Variants in TEK observed in about 807,000 individuals in gnomAD.
The protein encoded by TEK is TEK receptor tyrosine kinase, also known as angiopoietin-1 receptor.
A neutral mutation model predicts 131.8 loss-of-function variants in TEK; 43 were observed. The ratio of observed to expected loss-of-function variants is 0.33; its 90% CI spans 0.26 to 0.42. TEK has a LOEUF of 0.42. Among genes scored for constraint, TEK ranks in the 10% least tolerant of loss-of-function variants. The pLI, the probability that TEK is intolerant of heterozygous loss-of-function variation, is 1.00. For synonymous variants in TEK, 580 were observed against 491.6 expected (o/e 1.18, Z -2.38); for missense variants, 1,162 against 1,384.4 (o/e 0.84, Z 2.55).
chr9:27,201,338 G>A (rs1244442760), intron 12 of TEK, among the ~76,000 whole-genome samples: 1 of 152,086 alleles, frequency 6.6e-6, no homozygotes, highest in South Asian at 2.1e-4. Flanking sequence ...GCTGCTTTTT[G>A]TGACAGGCTT....
intron 1 of TEK, among the ~76,000 whole-genome samples, chr9:27,124,916 T>C (rs998384026): frequency 5.9e-5 from 9 of 152,174 alleles, no homozygotes; most frequent in African/African-American, 2.2e-4. Flanking sequence ...ACTTCGCAGA[T>C]TGGCCTAGTG....
chr9:27,137,864 C>T (rs921844982), intron 1 of TEK, among the ~76,000 whole-genome samples: 4 of 152,038 alleles, frequency 2.6e-5, no homozygotes, highest in Non-Finnish European at 5.9e-5. Flanking sequence ...TTATTCATTC[C>T]GGTGGGTTCT....
chr9:27,109,697 A>G, intron 1 of TEK, 55 bp downstream of exon 1: 1 of 1,577,296 alleles, frequency 6.3e-7, no homozygotes, highest in Non-Finnish European at 8.7e-7. Flanking sequence ...AGAGTTAGTG[A>G]TTTCTGGGTG....
At chr9:27,112,508 G>C (rs780032096) in intron 1 of TEK, among the ~76,000 whole-genome samples, 15 of 152,184 alleles carry the variant, frequency 9.9e-5, no homozygotes, top group African/African-American at 3.6e-4. Context: ...CCCTGGGAGA[G>C]CTTCCTGGAA....
At chr9:27,177,949 C>A (rs1255874710) in intron 6 of TEK, among the ~76,000 whole-genome samples, 2 of 152,040 alleles carry the variant, frequency 1.3e-5, no homozygotes, top group Non-Finnish European at 2.9e-5. Flanking sequence ...CTTTGCTGTG[C>A]AGAAGCTTGT....
chr9:27,180,226 GTC>G lies in TEK; in HGVS notation c.902-10_902-9del, dbSNP rs1407061671. The G allele has an allele frequency of 3.1e-6, 5 of 1,613,444 alleles. No homozygotes were observed. The highest frequency in any genetic ancestry group is 4.2e-6 in the Non-Finnish European group (5 of 1,179,672). The stretch of plus-strand genomic sequence containing the variant: ...CCTGGATTAATACTGGTTTTTTGAT[GTC>G]TCTGTTTACAGCATGCCACCCTGGT... On this transcript the variant is annotated splice_polypyrimidine_tract_variant and intron_variant, in intron 6 of 22. Transcript: ENST00000380036.
chr9:27,135,391 G>T (rs111494861), intron 1 of TEK, among the ~76,000 whole-genome samples: 2 of 151,994 alleles, frequency 1.3e-5, no homozygotes, highest in Non-Finnish European at 2.9e-5. Context: ...GCCACCTTAG[G>T]AGGGTCTAGT....
chr9:27,122,385 A>C (rs1380647480), intron 1 of TEK, among the ~76,000 whole-genome samples: 1 of 152,160 alleles, frequency 6.6e-6, no homozygotes, highest in East Asian at 1.9e-4. Flanking sequence ...GGAAGTGAGG[A>C]GGAGGGGCAT....
intron 1 of TEK, among the ~76,000 whole-genome samples, chr9:27,113,756 C>G (rs1024133790): frequency 6.6e-6 from 1 of 152,154 alleles, no homozygotes; most frequent in African/African-American, 2.4e-5. Flanking sequence ...CAGTATAATC[C>G]TGTCTCTCAA....
chr9:27,184,336 A>G (rs1824514909), intron 8 of TEK, among the ~76,000 whole-genome samples: 1 of 152,076 alleles, frequency 6.6e-6, no homozygotes, highest in Non-Finnish European at 1.5e-5. Context: ...AGCCACCCCA[A>G]ATTTCTCTTG....
intron 6 of TEK, 37 bp from the exon 7 acceptor site, chr9:27,180,203 T>C: frequency 1.2e-6 from 2 of 1,612,988 alleles, no homozygotes; most frequent in African/African-American, 2.7e-5. Flanking sequence ...TCTCTTCCCC[T>C]GGATTAATAC....
chr9:27,186,294 C>T (rs997637203), intron 9 of TEK, among the ~76,000 whole-genome samples: 1 of 152,058 alleles, frequency 6.6e-6, no homozygotes, highest in East Asian at 1.9e-4. Flanking sequence ...GGCTGGTGTA[C>T]GTAGCTACAG....
chr9:27,204,521 G>A (rs758786633), intron 13 of TEK, among the ~76,000 whole-genome samples: 2 of 152,126 alleles, frequency 1.3e-5, no homozygotes, highest in Non-Finnish European at 2.9e-5. Flanking sequence ...GCATTTCTAG[G>A]TGGGGAAATT....
At chr9:27,135,372 G>C (rs553581016) in intron 1 of TEK, among the ~76,000 whole-genome samples, 41 of 152,198 alleles carry the variant, frequency 2.7e-4, no homozygotes, top group African/African-American at 7.5e-4. Context: ...GGGCTCTGTA[G>C]GGTAGGTTGC....
At chr9:27,111,551 C>CT (rs1286149693) in intron 1 of TEK, among the ~76,000 whole-genome samples, 14 of 146,838 alleles carry the variant, frequency 9.5e-5, no homozygotes, top group East Asian at 3.9e-4. Context: ...AAAAAAGCCA[C>CT]TTTTTTTTAG....
At chr9:27,194,443 G>T (rs1239998405) in intron 11 of TEK, among the ~76,000 whole-genome samples, 1 of 152,134 alleles carries the variant, frequency 6.6e-6, no homozygotes, top group Non-Finnish European at 1.5e-5. Flanking sequence ...GGACCCACCT[G>T]GTTGTGAATA....
At chr9:27,124,407 C>T (rs189354190) in intron 1 of TEK, among the ~76,000 whole-genome samples, 2 of 152,146 alleles carry the variant, frequency 1.3e-5, no homozygotes, top group East Asian at 1.9e-4. Flanking sequence ...CTTGGATCAG[C>T]GGATCACTCA....
chr9:27,226,128 T>G (rs1474307307), intron 21 of TEK, among the ~76,000 whole-genome samples: 1 of 152,228 alleles, frequency 6.6e-6, no homozygotes, highest in African/African-American at 2.4e-5. Flanking sequence ...TTTACACTGT[T>G]GGTGGGAGTG....
chr9:27,144,652 A>C (rs1761523609), intron 1 of TEK, among the ~76,000 whole-genome samples: 1 of 152,140 alleles, frequency 6.6e-6, no homozygotes, highest in Admixed American at 6.5e-5. Flanking sequence ...GCTACTTCCC[A>C]AATAGGTGGC....
Sources: gnomAD v4.1 joint callset for allele counts (sites outside exome capture counted in the v4.1 genomes callset) on GRCh38, gnomAD v4.1.1 for gene constraint, MANE v1.5 for transcripts, NCBI Gene and HGNC (gene_info 2026-07-23, HGNC 2026-07-21) for gene names.